The following STK25 variants were observed in gnomAD, a reference collection of about 807,000 sequenced individuals.
STK25 encodes serine/threonine kinase 25, also known as serine/threonine-protein kinase 25.
In STK25, 29 loss-of-function variants were observed where a neutral mutation model predicts 53.8. The ratio of observed to expected loss-of-function variants is 0.54; its 90% confidence interval spans 0.40 to 0.74. STK25 has a LOEUF of 0.74. Ranked by LOEUF, STK25 falls within the 30% of genes least tolerant of loss-of-function variation. The probability of loss-of-function intolerance (pLI) is 0.00; values close to 1 mark genes in which losing one functional copy is unlikely to be tolerated. For synonymous variants in STK25, 247 were observed against 238.3 expected (o/e 1.04, Z -0.33); for missense variants, 420 against 568.0 (o/e 0.74, Z 2.65).
At chr2:241,499,619 T>C (rs2065383273) in intron 5 of STK25, 1 of 632,674 alleles carries the variant, frequency 1.6e-6, no homozygotes, top group East Asian at 2.8e-5. Flanking sequence ...ACGGCTCCAC[T>C]CCGAGCTCCA....
intron 2 of STK25, among the ~76,000 whole-genome samples, chr2:241,502,649 G>C (rs2065580627): frequency 6.6e-6 from 1 of 151,878 alleles, no homozygotes; most frequent in Admixed American, 6.6e-5. Flanking sequence ...CAAGACAGAA[G>C]AATCACTTGA....
At chr2:241,507,696 C>T (rs1574971711) in intron 2 of STK25, among the ~76,000 whole-genome samples, 1 of 152,256 alleles carries the variant, frequency 6.6e-6, no homozygotes, top group Admixed American at 6.5e-5. Flanking sequence ...CCGCCCCGCG[C>T]TGGGGGCAGC....
chr2:241,500,357 AG>A, intron 4 of STK25, 76 bp from the exon 5 acceptor site: 1 of 1,032,836 alleles, frequency 9.7e-7, no homozygotes, highest in Non-Finnish European at 1.5e-6. Flanking sequence ...CCTCTCTCAC[AG>A]GGAAGGGCTG....
In STK25 at chr2:241,501,406, A is replaced by T; in HGVS notation, c.261+72T>A. ...ACCGCCTTGCACCCTCTGGCATGTCACTCAGTCCCTCTGACATGGAAGAGA... is the reference window on the plus strand; with the variant it reads ...ACCGCCTTGCACCCTCTGGCATGTCTCTCAGTCCCTCTGACATGGAAGAGA... On this transcript the variant is annotated intron_variant, in intron 3 of 11. Coordinates refer to ENST00000316586, the MANE Select transcript of STK25 (RefSeq NM_001271977.2). The surrounding 1 kb of genome is among the most constrained non-coding windows in gnomAD (Gnocchi z 5.3). 6.8e-7 allele frequency: 1 copy of T among 1,467,528 alleles called. No individual in the cohort carries two copies. Among genetic ancestry groups the T allele is most frequent in the Non-Finnish European group, 9.4e-7 (1 of 1,061,928 alleles). 90.9% of individuals were successfully genotyped at this position (1,467,528 alleles called of 1,614,324 possible).
At chr2:241,497,450 C>T (rs1055818415) in intron 10 of STK25, 166 bp downstream of exon 10, 2 of 680,482 alleles carry the variant, frequency 2.9e-6, no homozygotes, top group Non-Finnish European at 5.2e-6. Context: ...GGAGTCATTG[C>T]AGCAGATTCT....
At chr2:241,505,441 G>C (rs2065765739) in intron 2 of STK25, among the ~76,000 whole-genome samples, 1 of 152,180 alleles carries the variant, frequency 6.6e-6, no homozygotes, top group East Asian at 1.9e-4. Context: ...TGGCCTGAGA[G>C]AGGGCCTGGA....
Position 241,495,232 on chromosome 2 carries a change from G to A in STK25, c.*430C>T, listed in dbSNP as rs942421742. 7.6e-5 allele frequency: 13 copies of A among 171,934 alleles called. No individual in the cohort carries two copies. Among genetic ancestry groups the A allele is most frequent in the African/African-American group, 2.6e-4 (11 of 42,172 alleles). The allele number at this position is 171,934 out of a possible 1,614,324, so 10.7% of individuals were successfully genotyped here. A position where few individuals can be genotyped will look rare whatever the true frequency, so the allele number is the denominator to read the frequency against. The stretch of plus-strand genomic sequence containing the variant: ...CCATCATGGGCCCCGGGAGGACAGC[G>A]GCCAGGACACTCCTCTGGGGGCTGC... On this transcript the variant is annotated 3_prime_UTR_variant, in exon 12 of 12. Coordinates refer to ENST00000316586, the MANE Select transcript of STK25 (RefSeq NM_001271977.2).
At chr2:241,503,585 C>T (rs1247777437) in intron 2 of STK25, among the ~76,000 whole-genome samples, 35 of 150,968 alleles carry the variant, frequency 2.3e-4, no homozygotes, top group African/African-American at 7.0e-4. Flanking sequence ...TGGTGGTGGG[C>T]GCCTGCAGTC....
At chr2:241,498,197 G>A (rs751447446) in intron 9 of STK25, 38 bp downstream of exon 9, 3 of 1,573,280 alleles carry the variant, frequency 1.9e-6, no homozygotes, top group African/African-American at 1.3e-5. Context: ...CACGGCCCCA[G>A]GGGTGCACAG....
chr2:241,502,974 C>T (rs957787513), intron 2 of STK25, among the ~76,000 whole-genome samples: 1 of 152,184 alleles, frequency 6.6e-6, no homozygotes, highest in Non-Finnish European at 1.5e-5. Context: ...CTAAAAGTTT[C>T]TGAGCCAGTG....
chr2:241,499,256 C>T lies in STK25; in HGVS notation c.585+1G>A. ...CGCACCTGCCCGCCCGCTGCACCCACCTTGAAGTCGTAGGCCGACTGCTTG... is the reference window on the plus strand; with the variant it reads ...CGCACCTGCCCGCCCGCTGCACCCATCTTGAAGTCGTAGGCCGACTGCTTG... On this transcript the variant is annotated splice_donor_variant, in intron 6 of 11. Transcript: ENST00000316586. LOFTEE classifies it high-confidence loss of function. 6.2e-7 allele frequency: 1 copy of T among 1,614,006 alleles called. No homozygotes were observed. Among genetic ancestry groups the T allele is most frequent in the Non-Finnish European group, 8.5e-7 (1 of 1,180,004 alleles).
At chr2:241,506,156 G>C (rs1055544363) in intron 2 of STK25, among the ~76,000 whole-genome samples, 5 of 152,228 alleles carry the variant, frequency 3.3e-5, no homozygotes, top group Non-Finnish European at 7.3e-5. Context: ...GCTATGGGGG[G>C]AACGCGCCCC....
intron 8 of STK25, 88 bp downstream of exon 8, chr2:241,498,551 C>T (rs539534022): frequency 2.0e-6 from 3 of 1,492,946 alleles, no homozygotes; most frequent in African/African-American, 2.8e-5. Context: ...GTCACCCTCA[C>T]CCCCAGGGCC....
Position 241,493,229 on chromosome 2 carries a change from G to C in STK25, c.*2433C>G. 2 of 1,556,490 alleles carry C rather than the reference G, an allele frequency of 1.3e-6. No homozygotes were observed. ...ACGTGCCACCGTTGTGCAGGTAGCA[G>C]AGGAATGGGCATTCCCTGTGGCAAC... is the stretch of plus-strand genomic sequence containing the variant. On this transcript the variant is annotated 3_prime_UTR_variant, in exon 12 of 12. Coordinates refer to ENST00000316586, the MANE Select transcript of STK25 (RefSeq NM_001271977.2).
upstream of STK25, chr2:241,508,811 C>T (rs747063269): frequency 4.6e-5 from 44 of 946,960 alleles, no homozygotes; most frequent in Non-Finnish European, 5.0e-5. Context: ...GCAGGCCGCG[C>T]GCCTGGGCGG....
At chr2:241,498,214 A>G in intron 9 of STK25, 21 bp downstream of exon 9, 6 of 1,608,864 alleles carry the variant, frequency 3.7e-6, no homozygotes, top group Non-Finnish European at 5.1e-6. Flanking sequence ...ACAGAGGGCA[A>G]AGGCCAGGCC....
chr2:241,499,880 A>G (rs1357336419), intron 5 of STK25: 3 of 513,768 alleles, frequency 5.8e-6, no homozygotes, highest in Non-Finnish European at 1.1e-5. Flanking sequence ...GGGCTACTCA[A>G]TTCTACACCT....
At position 241,496,838 on chromosome 2, in the gene STK25, C is replaced by T. The variant is rs1224944138; in HGVS notation, c.1105-304G>A. On this transcript the variant is annotated intron_variant, in intron 10 of 11. Coordinates refer to ENST00000316586, the MANE Select transcript of STK25 (RefSeq NM_001271977.2). The surrounding 1 kb of genome is among the most constrained non-coding windows in gnomAD (Gnocchi z 5.8). The stretch of plus-strand genomic sequence containing the variant: ...TCCTCCCAGCCGAGGGTCATGGAAG[C>T]CACTCAATGGGTCTAATCAGACCCA... Among the ~76,000 whole-genome samples the T allele has an allele frequency of 1.3e-5, 2 of 152,166 alleles. No individual in the cohort carries two copies. Among genetic ancestry groups the T allele is most frequent in the African/African-American group, 2.4e-5 (1 of 41,436 alleles).
chr2:241,499,974 CA>C (rs1267518354), intron 5 of STK25, 198 bp downstream of exon 5: 1 of 677,064 alleles, frequency 1.5e-6, no homozygotes, highest in East Asian at 2.8e-5. Flanking sequence ...CTGGTTTCCT[CA>C]GCGTACAAGG....
Sources: gnomAD v4.1 joint callset for allele counts (sites outside exome capture counted in the v4.1 genomes callset) on GRCh38, gnomAD v4.1.1 for gene constraint, Gnocchi (gnomAD v3.1) non-coding constraint, MANE v1.5 for transcripts, NCBI Gene and HGNC (gene_info 2026-07-23, HGNC 2026-07-21) for gene names.